Variants in COL5A1 observed in about 807,000 individuals in gnomAD.
COL5A1 encodes the protein collagen alpha-1(V) chain.
COL5A1 carries 16 observed loss-of-function variants against 263.7 expected under a neutral mutation model. The ratio of observed to expected loss-of-function variants is 0.06; its 90% CI spans 0.04 to 0.09. The LOEUF is 0.09. Among genes scored for constraint, COL5A1 ranks in the 10% least tolerant of loss-of-function variants. COL5A1 has a pLI of 1.00. For missense variants in COL5A1, 2,036 were observed against 2,540.5 expected (o/e 0.80, Z 4.27); for synonymous variants, 1,012 against 1,004.5 (o/e 1.01, Z -0.14).
intron 11 of COL5A1, among the ~76,000 whole-genome samples, chr9:134,744,025 A>G (rs1835383801): frequency 6.6e-6 from 1 of 152,146 alleles, no homozygotes; most frequent in Non-Finnish European, 1.5e-5. Flanking sequence ...GGGAGAGGAC[A>G]CAGGCTAGAT....
chr9:134,822,025 G>C, intron 58 of COL5A1, 72 bp from the exon 59 acceptor site: 1 of 1,356,186 alleles, frequency 7.4e-7, no homozygotes, highest in Middle Eastern at 2.2e-4. Flanking sequence ...GGTGTGGCTG[G>C]GTAGCAGGGT....
chr9:134,772,713 C>G, intron 25 of COL5A1, 77 bp from the exon 26 acceptor site: 2 of 1,408,150 alleles, frequency 1.4e-6, no homozygotes, highest in East Asian at 2.3e-5. Context: ...ATCATGGATG[C>G]TACGCAGGGA....
At position 134,668,272 on chromosome 9, in the gene COL5A1, C is replaced by CT. The variant is rs375383364; in HGVS notation, c.110-22638dup. ...GGATGGCCACTGATCCAGCATGAGG[C>CT]TTAAGGAGCCCTTTCAGAGGTAGCA... On this transcript the variant is annotated intron_variant, in intron 1 of 65. Coordinates refer to ENST00000371817, the MANE Select transcript of COL5A1 (RefSeq NM_000093.5). Among the ~76,000 whole-genome samples, 606 of 152,248 alleles carry CT rather than the reference C, an allele frequency of 4.0e-3. 4 individuals are homozygous for CT. Among genetic ancestry groups the CT allele is most frequent in the African/African-American group, 0.014 (586 of 41,530 alleles).
intron 13 of COL5A1, among the ~76,000 whole-genome samples, chr9:134,751,688 C>T (rs1418985530): frequency 6.6e-6 from 1 of 152,196 alleles, no homozygotes. Flanking sequence ...GGTAATCCTC[C>T]AGCGGAGTGC....
At position 134,805,225 on chromosome 9, in the gene COL5A1, G is replaced by A. The variant is rs1838254157; in HGVS notation, c.3258+11G>A. On this transcript the variant is annotated intron_variant, in intron 41 of 65. Coordinates refer to ENST00000371817, the MANE Select transcript of COL5A1 (RefSeq NM_000093.5). ...CCACCAGGCCCTGCGGTGAGTCAAA[G>A]CCTTTGTCCCATCCTCTTTCTTGAA... 1.2e-6 allele frequency: 2 copies of A among 1,613,832 alleles called. No homozygotes were observed. The highest frequency in any genetic ancestry group is 2.7e-5 in the African/African-American group (2 of 75,080).
Position 134,688,571 on chromosome 9 carries a change from G to A in COL5A1, c.110-2341G>A, listed in dbSNP as rs73558809. Among the ~76,000 whole-genome samples the A allele has an allele frequency of 3.5e-3, 530 of 152,320 alleles. 6 individuals are homozygous for A. The highest frequency in any genetic ancestry group is 0.012 in the African/African-American group (487 of 41,580). On this transcript the variant is annotated intron_variant, in intron 1 of 65. Coordinates refer to ENST00000371817, the MANE Select transcript of COL5A1 (RefSeq NM_000093.5). ...CAGGTGGGAGGTGCCATACATGCCC[G>A]AGGGGGTGACAGAGCTGGGTGGGCT...
At chr9:134,730,156 C>T (rs367995592) in intron 6 of COL5A1, 80 bp from the exon 7 acceptor site, 103 of 1,586,942 alleles carry the variant, frequency 6.5e-5, no homozygotes, top group African/African-American at 4.3e-4. Context: ...TGCCTGCACC[C>T]GGACATGCGG....
intron 65 of COL5A1, among the ~76,000 whole-genome samples, chr9:134,840,196 C>T (rs1839979164): frequency 6.6e-6 from 1 of 152,212 alleles, no homozygotes; most frequent in Admixed American, 6.5e-5. Flanking sequence ...TTAACAAGCT[C>T]CCTGAGAACT....
At chr9:134,721,598 C>T (rs567144148) in intron 4 of COL5A1, among the ~76,000 whole-genome samples, 18 of 152,272 alleles carry the variant, frequency 1.2e-4, no homozygotes, top group Admixed American at 2.0e-4. Flanking sequence ...TGGAGTCCTG[C>T]GGGGTGGGTT....
intron 37 of COL5A1, among the ~76,000 whole-genome samples, chr9:134,799,632 C>T (rs1256556112): frequency 6.6e-6 from 1 of 152,140 alleles, no homozygotes; most frequent in African/African-American, 2.4e-5. Flanking sequence ...TCCATGCCTG[C>T]TTTGAAAAAA....
rs1281771944 is a variant in COL5A1, at chr9:134,841,285, T to G, written c.5371-872T>G. 1.3e-5 allele frequency among the ~76,000 whole-genome samples: 2 copies of G among 152,108 alleles called. No homozygotes were observed. Among genetic ancestry groups the G allele is most frequent in the Non-Finnish European group, 2.9e-5 (2 of 68,012 alleles). Reference sequence around the variant, plus strand: ...GGTGCGGCCTCCAGGGCCCTTGTCTTGGGGGAAGTTGACGGGACAGCAGGG... The same window carrying G: ...GGTGCGGCCTCCAGGGCCCTTGTCTGGGGGGAAGTTGACGGGACAGCAGGG... On this transcript the variant is annotated intron_variant, in intron 65 of 65. Coordinates refer to ENST00000371817, the MANE Select transcript of COL5A1 (RefSeq NM_000093.5). This position sits in a 1 kb window ranked among gnomAD's most constrained non-coding sequence, Gnocchi z 4.8.
At position 134,818,627 on chromosome 9, in the gene COL5A1, A is replaced by G. The variant is rs533622749; in HGVS notation, c.4231-29A>G. 1.0e-4 allele frequency: 161 copies of G among 1,555,178 alleles called. No individual in the cohort carries two copies. In the African/African-American group the frequency reaches 1.3e-3, roughly 12 times the overall value. On this transcript the variant is annotated intron_variant, in intron 54 of 65. Transcript: ENST00000371817. This position sits in a 1 kb window ranked among gnomAD's most constrained non-coding sequence, Gnocchi z 6.0. ...GGGTGCCTGGAGCCTAGAGCTCCGG[A>G]CCTCATTCTGCCCTCCGCCGTCCTG... is the stretch of plus-strand genomic sequence containing the variant.
intron 11 of COL5A1, among the ~76,000 whole-genome samples, chr9:134,749,307 C>T (rs1281372976): frequency 6.6e-6 from 1 of 152,212 alleles, no homozygotes; most frequent in Non-Finnish European, 1.5e-5. Flanking sequence ...TTAGTGTGTC[C>T]AGCATGTGCG....
In COL5A1 at chr9:134,753,836, C is replaced by A; in HGVS notation, c.1720-14C>A. On this transcript the variant is annotated splice_polypyrimidine_tract_variant and intron_variant, in intron 14 of 65. Coordinates refer to ENST00000371817, the MANE Select transcript of COL5A1 (RefSeq NM_000093.5). ...CACCTCGAGCAGACATTAACACACA[C>A]CATGTCTCCCTAGGGTCCCCCTGGG... The A allele has an allele frequency of 6.3e-7, 1 of 1,595,302 alleles. No homozygotes were observed. Among genetic ancestry groups the A allele is most frequent in the Non-Finnish European group, 8.6e-7 (1 of 1,168,644 alleles).
At chr9:134,815,315 G>A (rs748733144) in intron 50 of COL5A1, among the ~76,000 whole-genome samples, 5 of 152,240 alleles carry the variant, frequency 3.3e-5, no homozygotes, top group African/African-American at 7.2e-5. Flanking sequence ...TGGGCGGAAC[G>A]CCTGCCCCTT....
chr9:134,796,335 A>G (rs2132806264), intron 34 of COL5A1, 39 bp from the exon 35 acceptor site: 1 of 1,607,080 alleles, frequency 6.2e-7, no homozygotes, highest in Non-Finnish European at 8.5e-7. Context: ...CCAAATAATA[A>G]CAATCATAAG....
intron 4 of COL5A1, among the ~76,000 whole-genome samples, chr9:134,701,745 GCCA>G (rs1167254028): frequency 3.3e-5 from 5 of 152,214 alleles, no homozygotes; most frequent in African/African-American, 1.2e-4. Flanking sequence ...GCAGAGCTGG[GCCA>G]CCGTGTGGAC....
Position 134,810,189 on chromosome 9 carries a change from C to G in COL5A1, c.3475-66C>G. 3 of 1,557,574 alleles carry G rather than the reference C, an allele frequency of 1.9e-6. No individual in the cohort carries two copies. In the South Asian group the frequency reaches 3.3e-5, roughly 17 times the overall value. On this transcript the variant is annotated intron_variant, in intron 43 of 65. Coordinates refer to ENST00000371817, the MANE Select transcript of COL5A1 (RefSeq NM_000093.5). ...CTTAATCTCCAAGAAAAATTCATTA[C>G]GGGGAACAGAAAAGGTCCAAACGGT... is the stretch of plus-strand genomic sequence containing the variant.
At chr9:134,772,042 C>T (rs1212213656) in intron 25 of COL5A1, among the ~76,000 whole-genome samples, 2 of 152,196 alleles carry the variant, frequency 1.3e-5, no homozygotes, top group African/African-American at 4.8e-5. Context: ...AGACACAGGT[C>T]CTTCCTAGAG....
Sources: allele counts gnomAD v4.1 joint callset (sites outside exome capture counted in the v4.1 genomes callset), GRCh38; gene constraint gnomAD v4.1.1; non-coding constraint Gnocchi (gnomAD v3.1); transcripts MANE v1.5; gene names NCBI Gene and HGNC (gene_info 2026-07-23, HGNC 2026-07-21).